The following DNAJC1 variants were observed in gnomAD, a reference collection of about 807,000 sequenced individuals.
DNAJC1 encodes dnaJ homolog subfamily C member 1.
In DNAJC1, 58 loss-of-function variants were observed where a neutral mutation model predicts 76.6. The observed-to-expected ratio is 0.76, with a 90% CI of 0.61 to 0.94. The LOEUF (loss-of-function observed/expected upper bound fraction) is 0.94, where lower values mean the gene tolerates loss of function less well. DNAJC1 is among the 40% of genes least tolerant of loss of function. The pLI is 0.00. For synonymous variants in DNAJC1, 258 were observed against 267.9 expected, an observed-to-expected ratio of 0.96 and a Z score of 0.36; for missense variants, 689 against 677.3, an observed-to-expected ratio of 1.02 and a Z score of -0.19.
At chr10:21,919,694 C>T (rs1837009236) in intron 5 of DNAJC1, 138 bp downstream of exon 5, 2 of 539,666 alleles carry the variant, frequency 3.7e-6, no homozygotes, top group South Asian at 3.8e-5. Flanking sequence ...TAAACAATGG[C>T]ACATTATTAG....
intron 8 of DNAJC1, among the ~76,000 whole-genome samples, chr10:21,870,899 C>T (rs371342996): frequency 6.6e-6 from 1 of 152,080 alleles, no homozygotes; most frequent in Non-Finnish European, 1.5e-5. Flanking sequence ...GTCCTACCCA[C>T]TGTTCCTGGG....
intron 1 of DNAJC1, among the ~76,000 whole-genome samples, chr10:21,938,984 A>G (rs1837360476): frequency 6.6e-6 from 1 of 152,140 alleles, no homozygotes; most frequent in Admixed American, 6.5e-5. Context: ...TCCGCCTCCC[A>G]GATTCAAGAG....
chr10:21,827,593 G>A lies in DNAJC1; in HGVS notation c.979-21494C>T, dbSNP rs141703489. Among the ~76,000 whole-genome samples, 537 of 152,254 alleles carry A rather than the reference G, an allele frequency of 3.5e-3. 4 individuals are homozygous for A. The highest frequency in any genetic ancestry group is 0.012 in the African/African-American group (516 of 41,560). On this transcript the variant is annotated intron_variant, in intron 8 of 11. Transcript: ENST00000376980. Reference sequence around the variant, plus strand: ...CCTTGGTGTTCTGCGGCTTGCAGCTGCATTACTCCAACCTCTGCTGCGTCA... The same window carrying A: ...CCTTGGTGTTCTGCGGCTTGCAGCTACATTACTCCAACCTCTGCTGCGTCA...
At chr10:21,805,707 T>C (rs891995899) in intron 9 of DNAJC1, among the ~76,000 whole-genome samples, 2 of 152,158 alleles carry the variant, frequency 1.3e-5, no homozygotes, top group African/African-American at 4.8e-5. Context: ...GGGGTCACTA[T>C]AAACATAAAA....
At chr10:21,795,211 G>A (rs1481628248) in intron 9 of DNAJC1, among the ~76,000 whole-genome samples, 2 of 152,116 alleles carry the variant, frequency 1.3e-5, no homozygotes, top group East Asian at 1.9e-4. Context: ...GTTCATGGCA[G>A]TATTATTCTA....
intron 1 of DNAJC1, among the ~76,000 whole-genome samples, chr10:21,978,729 C>G (rs1352898512): frequency 2.0e-5 from 3 of 151,988 alleles, no homozygotes; most frequent in African/African-American, 4.8e-5. Flanking sequence ...CACAAACTTC[C>G]CACAAGAGCT....
chr10:21,971,297 GAAAT>G (rs1460089371), intron 1 of DNAJC1, among the ~76,000 whole-genome samples: 1 of 151,766 alleles, frequency 6.6e-6, no homozygotes, highest in Non-Finnish European at 1.5e-5. Flanking sequence ...AGCTGGCAAT[GAAAT>G]AAATAATTAT....
chr10:21,863,841 G>C (rs577258778), intron 8 of DNAJC1, among the ~76,000 whole-genome samples: 2 of 152,142 alleles, frequency 1.3e-5, no homozygotes, highest in Admixed American at 1.3e-4. Context: ...CTAGATTAAG[G>C]GCATCTGTTA....
At chr10:21,813,094 C>CATATATATATATATATATATATATATAT (rs1451322364) in intron 8 of DNAJC1, among the ~76,000 whole-genome samples, 3 of 66,714 alleles carry the variant, frequency 4.5e-5, no homozygotes. Flanking sequence ...TATACACACA[C>CATATATATATATATATATATATATATAT]ACATATATAT....
At chr10:21,868,488 G>A (rs956771597) in intron 8 of DNAJC1, among the ~76,000 whole-genome samples, 3 of 151,946 alleles carry the variant, frequency 2.0e-5, no homozygotes, top group Non-Finnish European at 4.4e-5. Context: ...GGAATATTCA[G>A]CAATAAAAAG....
At chr10:21,784,433 A>G (rs1473862046) in intron 9 of DNAJC1, among the ~76,000 whole-genome samples, 1 of 152,304 alleles carries the variant, frequency 6.6e-6, no homozygotes, top group African/African-American at 2.4e-5. Context: ...AGAAATAGGA[A>G]CACTTTTACA....
chr10:21,920,263 C>T (rs1837019680), intron 4 of DNAJC1, among the ~76,000 whole-genome samples: 1 of 151,920 alleles, frequency 6.6e-6, no homozygotes, highest in East Asian at 1.9e-4. Flanking sequence ...GATGCTAATT[C>T]ATGAATACTG....
At chr10:21,789,052 G>T (rs548597472) in intron 9 of DNAJC1, among the ~76,000 whole-genome samples, 1 of 138,196 alleles carries the variant, frequency 7.2e-6, no homozygotes, top group African/African-American at 3.5e-5. Context: ...CTGAGCACCC[G>T]CACCTGGAAT....
intron 1 of DNAJC1, among the ~76,000 whole-genome samples, chr10:21,971,443 G>A (rs1837976271): frequency 6.6e-6 from 1 of 151,642 alleles, no homozygotes. Flanking sequence ...ACCAACTTAA[G>A]AGAAGTTTTA....
At chr10:21,917,284 C>T (rs1007775629) in intron 6 of DNAJC1, among the ~76,000 whole-genome samples, 5 of 151,914 alleles carry the variant, frequency 3.3e-5, no homozygotes, top group African/African-American at 1.2e-4. Flanking sequence ...TAAATCTAAG[C>T]CATAACAATA....
intron 9 of DNAJC1, among the ~76,000 whole-genome samples, chr10:21,773,578 T>C (rs1453728210): frequency 6.6e-6 from 1 of 152,216 alleles, no homozygotes; most frequent in East Asian, 1.9e-4. Context: ...GTTCCATGTG[T>C]AAAGAAAAAC....
At chr10:21,830,662 T>A (rs1835342147) in intron 8 of DNAJC1, among the ~76,000 whole-genome samples, 3 of 152,216 alleles carry the variant, frequency 2.0e-5, no homozygotes, top group Non-Finnish European at 4.4e-5. Context: ...TTTAAAAAAT[T>A]ATAATACTGC....
chr10:21,866,283 A>G (rs1307153807), intron 8 of DNAJC1, among the ~76,000 whole-genome samples: 1 of 151,986 alleles, frequency 6.6e-6, no homozygotes, highest in East Asian at 1.9e-4. Context: ...CTGTCACACT[A>G]GAGTTTTTTA....
At chr10:21,864,538 C>T (rs1162836606) in intron 8 of DNAJC1, among the ~76,000 whole-genome samples, 1 of 151,844 alleles carries the variant, frequency 6.6e-6, no homozygotes, top group African/African-American at 2.4e-5. Context: ...AGGAGAATTG[C>T]TTGAACCCGG....
Sources: allele counts gnomAD v4.1 joint callset (sites outside exome capture counted in the v4.1 genomes callset), GRCh38; gene constraint gnomAD v4.1.1; transcripts MANE v1.5; gene names NCBI Gene and HGNC (gene_info 2026-07-23, HGNC 2026-07-21).